Variants in EPS8 observed in about 807,000 individuals in gnomAD.
The protein encoded by EPS8 is EGFR pathway substrate 8, signaling adaptor.
Under a neutral mutation model 103.8 loss-of-function variants are expected in EPS8, and 42 were observed. That is an observed-to-expected ratio of 0.40 (90% CI 0.32 to 0.52). The LOEUF (loss-of-function observed/expected upper bound fraction) is 0.52, where lower values mean the gene tolerates loss of function less well. Ranked by LOEUF, EPS8 falls within the 20% of genes least tolerant of loss-of-function variation. The probability of loss-of-function intolerance (pLI) is 0.40; values close to 1 mark genes in which losing one functional copy is unlikely to be tolerated. For synonymous variants in EPS8, 344 were observed against 344.6 expected, an observed-to-expected ratio of 1.00 and a Z score of 0.02; for missense variants, 969 against 1,005.1, an observed-to-expected ratio of 0.96 and a Z score of 0.49.
At chr12:15,675,223 T>A (rs1185318603) in intron 3 of EPS8, among the ~76,000 whole-genome samples, 2 of 152,238 alleles carry the variant, frequency 1.3e-5, no homozygotes, top group Non-Finnish European at 2.9e-5. Context: ...CAACACCTCC[T>A]TGAGAAGAAA....
At position 15,684,472 on chromosome 12, in the gene EPS8, T is replaced by G. The variant is rs1372138474; in HGVS notation, c.-21-1500A>C. Among the ~76,000 whole-genome samples the G allele has an allele frequency of 6.6e-6, 1 of 152,160 alleles. No individual in the cohort carries two copies. Among genetic ancestry groups the G allele is most frequent in the Non-Finnish European group, 1.5e-5 (1 of 68,014 alleles). Reference sequence around the variant, plus strand: ...TGTTTGATGACTTCTGCTTTTCAAATAAGAAGAAGGGTACCAGGCACAGAA... The same window carrying G: ...TGTTTGATGACTTCTGCTTTTCAAAGAAGAAGAAGGGTACCAGGCACAGAA... On this transcript the variant is annotated intron_variant, in intron 1 of 20. Transcript: ENST00000281172. The surrounding 1 kb of genome is among the most constrained non-coding windows in gnomAD (Gnocchi z 4.9).
chr12:15,662,744 G>T (rs1591831280), intron 8 of EPS8: 2 of 743,152 alleles, frequency 2.7e-6, no homozygotes, highest in Non-Finnish European at 1.6e-6. Context: ...TTATTATCAT[G>T]AACTCCTTCC....
chr12:15,666,331 A>G, intron 7 of EPS8, 109 bp downstream of exon 7: 1 of 784,316 alleles, frequency 1.3e-6, no homozygotes, highest in Admixed American at 2.4e-5. Flanking sequence ...GTTATGATCT[A>G]TACAATACAA....
In EPS8 at chr12:15,731,172, C is replaced by T. The variant is rs1272873227; in HGVS notation, c.-21-48200G>A. 6.6e-6 allele frequency among the ~76,000 whole-genome samples: 1 copy of T among 152,202 alleles called. No individual in the cohort carries two copies. Among genetic ancestry groups the T allele is most frequent in the East Asian group, 1.9e-4 (1 of 5,200 alleles). The stretch of plus-strand genomic sequence containing the variant: ...GGGCAACTGCTATCCAGGTTTTTAG[C>T]TAGCTTAACCAAATCCTCTAAACAG... On this transcript the variant is annotated intron_variant, in intron 1 of 20. Coordinates refer to ENST00000281172, the MANE Select transcript of EPS8 (RefSeq NM_004447.6). This position sits in a 1 kb window ranked among gnomAD's most constrained non-coding sequence, Gnocchi z 5.1.
intron 1 of EPS8, among the ~76,000 whole-genome samples, chr12:15,744,391 T>C (rs1010194532): frequency 4.6e-5 from 7 of 152,200 alleles, no homozygotes; most frequent in African/African-American, 1.7e-4. Context: ...ATGCAGACAC[T>C]GTTCTAGATC....
Position 15,771,920 on chromosome 12 carries a change from C to A in EPS8, c.-22+17241G>T, listed in dbSNP as rs1281414818. On this transcript the variant is annotated intron_variant, in intron 1 of 20. Coordinates refer to ENST00000281172, the MANE Select transcript of EPS8 (RefSeq NM_004447.6). This position sits in a 1 kb window ranked among gnomAD's most constrained non-coding sequence, Gnocchi z 4.6. ...TGGGTGGATCACGAGGTCAGGAGAT[C>A]GAGACCATCCTGGCTAATGCGGTGA... 6.6e-6 allele frequency among the ~76,000 whole-genome samples: 1 copy of A among 151,826 alleles called. No individual in the cohort carries two copies. The highest frequency in any genetic ancestry group is 2.4e-5 in the African/African-American group (1 of 41,316).
At chr12:15,629,388 C>T (rs1320676608) in intron 18 of EPS8, among the ~76,000 whole-genome samples, 1 of 152,094 alleles carries the variant, frequency 6.6e-6, no homozygotes, top group East Asian at 1.9e-4. Flanking sequence ...GCTGACGTCT[C>T]TACGGAGGGA....
chr12:15,645,692 T>C (rs1279555703), intron 15 of EPS8, among the ~76,000 whole-genome samples: 1 of 152,150 alleles, frequency 6.6e-6, no homozygotes, highest in African/African-American at 2.4e-5. Flanking sequence ...CTTATAGATA[T>C]GCAGGTGAAG....
intron 17 of EPS8, chr12:15,634,751 G>A (rs1405862150): frequency 7.5e-6 from 3 of 398,620 alleles, no homozygotes; most frequent in African/African-American, 2.1e-5. Context: ...CTGACAGCTC[G>A]CCAAGTAATT....
intron 17 of EPS8, among the ~76,000 whole-genome samples, chr12:15,638,612 G>A (rs1392720804): frequency 2.0e-5 from 3 of 152,124 alleles, no homozygotes; most frequent in Non-Finnish European, 2.9e-5. Flanking sequence ...AGTTTAAAAC[G>A]AAATAGCCAA....
intron 15 of EPS8, among the ~76,000 whole-genome samples, chr12:15,645,363 A>T (rs1333305660): frequency 2.0e-5 from 3 of 152,104 alleles, no homozygotes; most frequent in Non-Finnish European, 2.9e-5. Context: ...CTGAAAGACA[A>T]ATCTGAAATT....
At chr12:15,664,729 G>A (rs1474746416) in intron 8 of EPS8, among the ~76,000 whole-genome samples, 1 of 152,158 alleles carries the variant, frequency 6.6e-6, no homozygotes, top group African/African-American at 2.4e-5. Context: ...ACTGGATAAA[G>A]AATAAGAAGT....
chr12:15,693,707 C>A lies in EPS8; in HGVS notation c.-21-10735G>T, dbSNP rs187933102. 1.2e-4 allele frequency among the ~76,000 whole-genome samples: 18 copies of A among 152,282 alleles called. No homozygotes were observed. The highest frequency in any genetic ancestry group is 1.5e-5 in the Non-Finnish European group (1 of 68,032). On this transcript the variant is annotated intron_variant, in intron 1 of 20. Coordinates refer to ENST00000281172, the MANE Select transcript of EPS8 (RefSeq NM_004447.6). This position sits in a 1 kb window ranked among gnomAD's most constrained non-coding sequence, Gnocchi z 5.6. Reference sequence around the variant, plus strand: ...GCATATACCACCATGGAATACTATGCAGCCATAAAAAGGAATGAAAACATG... The same window carrying A: ...GCATATACCACCATGGAATACTATGAAGCCATAAAAAGGAATGAAAACATG...
intron 17 of EPS8, among the ~76,000 whole-genome samples, chr12:15,638,815 T>C (rs1945180829): frequency 3.3e-5 from 5 of 152,200 alleles, no homozygotes; most frequent in Admixed American, 2.6e-4. Context: ...GTATGATATA[T>C]ATTAATAGTT....
In EPS8 at chr12:15,745,558, CAAA is replaced by C. The variant is rs5796646; in HGVS notation, c.-22+43600_-22+43602del. ...CTCCAAAAATCTATGACTATGTATC[CAAA>C]AAAAAAAAAAAATTCTTTAAACCAC... On this transcript the variant is annotated intron_variant, in intron 1 of 20. Coordinates refer to ENST00000281172, the MANE Select transcript of EPS8 (RefSeq NM_004447.6). This position sits in a 1 kb window ranked among gnomAD's most constrained non-coding sequence, Gnocchi z 4.6. 6.9e-6 allele frequency among the ~76,000 whole-genome samples: 1 copy of C among 145,276 alleles called. No homozygotes were observed. The highest frequency in any genetic ancestry group is 1.5e-5 in the Non-Finnish European group (1 of 66,302).
chr12:15,694,207 G>A (rs577355320), intron 1 of EPS8, among the ~76,000 whole-genome samples: 22 of 152,206 alleles, frequency 1.4e-4, no homozygotes, highest in African/African-American at 5.3e-4. Context: ...GAGAGGTTCA[G>A]GTGGACTATG....
intron 1 of EPS8, among the ~76,000 whole-genome samples, chr12:15,743,899 A>G (rs541404777): frequency 6.6e-6 from 1 of 152,364 alleles, no homozygotes; most frequent in Non-Finnish European, 1.5e-5. Context: ...ACAAAAGCCA[A>G]AATTGACAAA....
intron 9 of EPS8, 53 bp from the exon 10 acceptor site, chr12:15,660,793 G>A: frequency 9.4e-7 from 1 of 1,064,226 alleles, no homozygotes; most frequent in Non-Finnish European, 1.4e-6. Flanking sequence ...TTTTACCTTA[G>A]CTGTACTCTG....
rs889538457 is a variant in EPS8, at chr12:15,725,008, G to C, written c.-21-42036C>G. On this transcript the variant is annotated intron_variant, in intron 1 of 20. Coordinates refer to ENST00000281172, the MANE Select transcript of EPS8 (RefSeq NM_004447.6). This position sits in a 1 kb window ranked among gnomAD's most constrained non-coding sequence, Gnocchi z 4.5. Reference sequence around the variant, plus strand: ...AGTCTTCAGTTCACTTTGTCATTTTGAATTATGTCACAATGAAAAAAATTC... The same window carrying C: ...AGTCTTCAGTTCACTTTGTCATTTTCAATTATGTCACAATGAAAAAAATTC... Among the ~76,000 whole-genome samples the C allele has an allele frequency of 6.6e-6, 1 of 151,690 alleles. No individual in the cohort carries two copies. Among genetic ancestry groups the C allele is most frequent in the Non-Finnish European group, 1.5e-5 (1 of 67,932 alleles).
Sources: allele counts gnomAD v4.1 joint callset (sites outside exome capture counted in the v4.1 genomes callset), GRCh38; gene constraint gnomAD v4.1.1; non-coding constraint Gnocchi (gnomAD v3.1); transcripts MANE v1.5; gene names NCBI Gene and HGNC (gene_info 2026-07-23, HGNC 2026-07-21).